DOK1: variants seen among roughly 807,000 people sequenced by gnomAD.
DOK1 encodes Downstream of tyrosine kinase 1.
DOK1 carries 12 observed loss-of-function variants against 24.0 expected under a neutral mutation model. The ratio of observed to expected loss-of-function variants is 0.50; its 90% CI spans 0.32 to 0.81. The LOEUF (loss-of-function observed/expected upper bound fraction) is 0.81. DOK1 is among the 30% of genes least tolerant of loss of function. The pLI is 0.03. For synonymous variants in DOK1, 250 were observed against 260.9 expected, an observed-to-expected ratio of 0.96 and a Z score of 0.40; for missense variants, 591 against 620.7, an observed-to-expected ratio of 0.95 and a Z score of 0.51.
rs769463386 is a variant in DOK1, at chr2:74,556,081, G to A, written c.639+3G>A. ...TGCGTCGCTATGGCCGGGACAAGGT[G>A]CAGGGGCTGTCCGGGAGGGCTTCCT... On this transcript the variant is annotated splice_donor_region_variant and intron_variant, in intron 4 of 4. Coordinates refer to ENST00000233668, the MANE Select transcript of DOK1 (RefSeq NM_001381.5). This position sits in a 1 kb window ranked among gnomAD's most constrained non-coding sequence, Gnocchi z 4.1. The A allele has an allele frequency of 6.3e-7, 1 of 1,580,596 alleles. No homozygotes were observed.
upstream of DOK1, among the ~76,000 whole-genome samples, chr2:74,551,960 C>A (rs1339406953): frequency 2.0e-5 from 3 of 152,272 alleles, no homozygotes; most frequent in Non-Finnish European, 4.4e-5. Context: ...ATCCAGATAT[C>A]ATTTACCTGC....
Position 74,555,668 on chromosome 2 carries a change from G to A in DOK1, c.454G>A (p.Gly152Arg). The change falls in exon 3 of 5, where the codon GGA becomes AGA. Residue 152 changes from glycine to arginine, a missense_variant and splice_region_variant. Physicochemically the swap from Gly to Arg is moderately radical, Grantham distance 125 (BLOSUM62 -2). Coordinates refer to ENST00000233668, the MANE Select transcript of DOK1 (RefSeq NM_001381.5). This position sits in a 1 kb window ranked among gnomAD's most constrained non-coding sequence, Gnocchi z 6.1. The part of the protein sequence containing the change: ...ENSLYSPTWE[G>R]SQFWVTVQRT... ...CTCCTTGTACAGCCCTACCTGGGAA[G>A]GTAGACGCCTCAGAAGCCCGGGCAG... 1 of 1,613,934 alleles carries A rather than the reference G, an allele frequency of 6.2e-7. No individual in the cohort carries two copies. The highest frequency in any genetic ancestry group is 8.5e-7 in the Non-Finnish European group (1 of 1,179,964).
Position 74,557,118 on chromosome 2 carries a change from G to A in DOK1, c.*4G>A, listed in dbSNP as rs762861473. On this transcript the variant is annotated 3_prime_UTR_variant, in exon 5 of 5. Transcript: ENST00000233668. ...CAAGTCAGAGGGCTCTACCTGAGAA[G>A]GACGGCAAGGCTGAGGTGGCTAAGG... 14 of 1,600,636 alleles carry A rather than the reference G, an allele frequency of 8.7e-6. No individual in the cohort carries two copies. In the South Asian group the frequency reaches 1.3e-4, roughly 15 times the overall value.
Position 74,549,259 on chromosome 2 carries a change from C to G in DOK1, c.-358+87C>G. On this transcript the variant is annotated intron_variant, in intron 1 of 4. Coordinates refer to the DOK1 transcript ENST00000409429. The surrounding 1 kb of genome is among the most constrained non-coding windows in gnomAD (Gnocchi z 5.3). ...GGCCTCCATATTTTCCCGCGCGTCC[C>G]GACCCCCGGGTCCTCCCGTGCCCCG... 2.3e-6 allele frequency: 3 copies of G among 1,276,912 alleles called. No homozygotes were observed. The highest frequency in any genetic ancestry group is 1.7e-5 in the South Asian group (1 of 58,050). The allele number at this position is 1,276,912 out of a possible 1,614,324, so 79.1% of individuals were successfully genotyped here.
At position 74,555,399 on chromosome 2, in the gene DOK1, C is replaced by T; in HGVS notation, c.306C>T (p.Ala102=). 5.6e-6 allele frequency: 9 copies of T among 1,611,716 alleles called. No homozygotes were observed. Among genetic ancestry groups the T allele is most frequent in the Non-Finnish European group, 6.8e-6 (8 of 1,179,456 alleles). ...CTCAGCGCTCGCACCTGCTGGCGGC[C>T]GACGCGCCGTCCAGTGCAGCCTGGG... is the stretch of plus-strand genomic sequence containing the variant. ...DTAQRSHLLA[A]DAPSSAAWVQ... The change falls in exon 2 of 5, where the codon GCC becomes GCT. Residue 102 remains alanine, a synonymous_variant. Coordinates refer to ENST00000233668, the MANE Select transcript of DOK1 (RefSeq NM_001381.5). The surrounding 1 kb of genome is among the most constrained non-coding windows in gnomAD (Gnocchi z 6.1).
rs1384353097 is a variant in DOK1 at position 74,557,296 on chromosome 2, G to A, written c.*182G>A. ...ATCCCAGGAAGTCCTAAGAAGTGGG[G>A]CAGATGGCAGGGCTGAGGATGGGCT... On this transcript the variant is annotated 3_prime_UTR_variant, in exon 5 of 5. Coordinates refer to ENST00000233668, the MANE Select transcript of DOK1 (RefSeq NM_001381.5). 20 of 624,240 alleles carry A rather than the reference G, an allele frequency of 3.2e-5. No homozygotes were observed. The highest frequency in any genetic ancestry group is 8.8e-4 in the Middle Eastern group (2 of 2,270). The allele number at this position is 624,240 out of a possible 1,614,324, so 38.7% of individuals were successfully genotyped here. A position where few individuals can be genotyped will look rare whatever the true frequency, so the allele number is the denominator to read the frequency against.
Position 74,555,731 on chromosome 2 carries a change from G to C in DOK1, c.454+63G>C. On this transcript the variant is annotated intron_variant, in intron 3 of 4. Transcript: ENST00000233668. This position sits in a 1 kb window ranked among gnomAD's most constrained non-coding sequence, Gnocchi z 6.1. The stretch of plus-strand genomic sequence containing the variant: ...GAGGAGGAGGGCCGAGGGCCTTTGG[G>C]AAGTGGGTGGATACCCAGGGGCCCA... 1 of 1,608,618 alleles carries C rather than the reference G, an allele frequency of 6.2e-7. No individual in the cohort carries two copies. Among genetic ancestry groups the C allele is most frequent in the Non-Finnish European group, 8.5e-7 (1 of 1,177,904 alleles).
At position 74,556,173 on chromosome 2, in the gene DOK1, C is replaced by T. The variant is rs1677449936; in HGVS notation, c.639+95C>T. On this transcript the variant is annotated intron_variant, in intron 4 of 4. Transcript: ENST00000233668. This position sits in a 1 kb window ranked among gnomAD's most constrained non-coding sequence, Gnocchi z 4.1. ...GGGAAGCTCTGACCTTTGGATCCCC[C>T]TTTCTTGCCTACCCGGTGACCCCGC... is the stretch of plus-strand genomic sequence containing the variant. 6.5e-7 allele frequency: 1 copy of T among 1,529,384 alleles called. No homozygotes were observed. The highest frequency in any genetic ancestry group is 8.8e-7 in the Non-Finnish European group (1 of 1,138,440). The allele number at this position is 1,529,384 out of a possible 1,614,324, so 94.7% of individuals were successfully genotyped here.
chr2:74,556,189 G>A lies in DOK1; in HGVS notation c.639+111G>A, dbSNP rs1043235277. ...TGGATCCCCCTTTCTTGCCTACCCG[G>A]TGACCCCGCGTCTGTTCGCAGGTGG... On this transcript the variant is annotated intron_variant, in intron 4 of 4. Coordinates refer to ENST00000233668, the MANE Select transcript of DOK1 (RefSeq NM_001381.5). This position sits in a 1 kb window ranked among gnomAD's most constrained non-coding sequence, Gnocchi z 4.1. The A allele has an allele frequency of 6.5e-7, 1 of 1,530,832 alleles. No individual in the cohort carries two copies. Among genetic ancestry groups the A allele is most frequent in the Admixed American group, 2.1e-5 (1 of 48,678 alleles). The allele number at this position is 1,530,832 out of a possible 1,614,324, so 94.8% of individuals were successfully genotyped here. A position where few individuals can be genotyped will look rare whatever the true frequency, so the allele number is the denominator to read the frequency against.
chr2:74,553,882 C>G (rs1475049779), upstream of DOK1: 1 of 151,630 alleles, frequency 6.6e-6, no homozygotes, highest in Non-Finnish European at 1.5e-5. Flanking sequence ...CTACCTTGGC[C>G]GAGCAGGACC....
At position 74,555,030 on chromosome 2, in the gene DOK1, C is replaced by T; in HGVS notation, c.61-124C>T. The stretch of plus-strand genomic sequence containing the variant: ...GAGTGGCATCGTCCTTGGGAAACTT[C>T]GCCCCCAACCCCGTTTGGAAGCCCC... On this transcript the variant is annotated intron_variant, in intron 1 of 4. Transcript: ENST00000233668. This position sits in a 1 kb window ranked among gnomAD's most constrained non-coding sequence, Gnocchi z 6.1. 7.1e-7 allele frequency: 1 copy of T among 1,400,826 alleles called. No homozygotes were observed. The highest frequency in any genetic ancestry group is 9.6e-7 in the Non-Finnish European group (1 of 1,038,918). 86.8% of individuals were successfully genotyped at this position (1,400,826 alleles called of 1,614,324 possible).
At chr2:74,552,684 A>G (rs770429627), upstream of DOK1, 1 of 1,459,182 alleles carries the variant, frequency 6.9e-7, no homozygotes, top group Non-Finnish European at 9.1e-7. Flanking sequence ...TGAGAGAAAC[A>G]GATTGAGTGG....
At chr2:74,552,514 C>T (rs751944822), upstream of DOK1, 2 of 1,613,546 alleles carry the variant, frequency 1.2e-6, no homozygotes, top group Non-Finnish European at 1.7e-6. Context: ...AACCGAAGCC[C>T]CTGGCTCCCG....
rs556382904 is a variant in DOK1 at position 74,555,147 on chromosome 2, T to C, written c.61-7T>C. ...CTCCCTCTCGAGCACTCTCTCTCTC[T>C]CCCTAGAGGTGGAGGAAGACCTGGG... is the stretch of plus-strand genomic sequence containing the variant. On this transcript the variant is annotated splice_polypyrimidine_tract_variant and splice_region_variant and intron_variant, in intron 1 of 4. Coordinates refer to ENST00000233668, the MANE Select transcript of DOK1 (RefSeq NM_001381.5). This position sits in a 1 kb window ranked among gnomAD's most constrained non-coding sequence, Gnocchi z 6.1. 23 of 1,605,412 alleles carry C rather than the reference T, an allele frequency of 1.4e-5. No homozygotes were observed. The African/African-American group carries it at 2.7e-4, about 19-fold the overall frequency.
upstream of DOK1, chr2:74,549,909 C>G: frequency 1.0e-6 from 1 of 985,442 alleles, no homozygotes. This position sits in a 1 kb window ranked among gnomAD's most constrained non-coding sequence, Gnocchi z 5.3. Context: ...CTCAGGAAAG[C>G]AGGAACATTT....
rs1484175985 is a variant in DOK1, at chr2:74,555,239, G to A, written c.146G>A (p.Ser49Asn). 4 of 1,613,754 alleles carry A rather than the reference G, an allele frequency of 2.5e-6. No homozygotes were observed. The highest frequency in any genetic ancestry group is 2.2e-5 in the East Asian group (1 of 44,896). The change falls in exon 2 of 5, where the codon AGC (serine) becomes AAC (asparagine). Residue 49 changes from serine (S) to asparagine (N), a missense_variant. Physicochemically the swap from Ser to Asn is conservative, Grantham distance 46. Coordinates refer to ENST00000233668, the MANE Select transcript of DOK1 (RefSeq NM_001381.5). The surrounding 1 kb of genome is among the most constrained non-coding windows in gnomAD (Gnocchi z 6.1). ...RLEFFDHKGS[S>N]SGGGRGSSRR... ...GAGTTCTTTGACCATAAGGGGTCGA[G>A]CTCTGGGGGTGGCCGAGGGAGCTCG...
rs758433116 is a variant in DOK1, at chr2:74,555,173, C to T, written c.80C>T (p.Ala27Val). 2 of 1,612,726 alleles carry T rather than the reference C, an allele frequency of 1.2e-6. No homozygotes were observed. The highest frequency in any genetic ancestry group is 2.2e-5 in the South Asian group (2 of 91,022). ...FGTKRWRKTWAVLYPASPHGV... is the reference protein window; with the variant it reads ...FGTKRWRKTWVVLYPASPHGV... ...CCCTAGAGGTGGAGGAAGACCTGGG[C>T]CGTGCTCTACCCGGCCAGTCCCCAC... The change falls in exon 2 of 5, where the codon GCC becomes GTC. Residue 27 changes from alanine to valine, a missense_variant. Ala to Val is a moderately conservative substitution (Grantham distance 64, BLOSUM62 0). Transcript: ENST00000233668. The surrounding 1 kb of genome is among the most constrained non-coding windows in gnomAD (Gnocchi z 6.1).
At chr2:74,550,115 C>A, upstream of DOK1, 6 of 1,529,318 alleles carry the variant, frequency 3.9e-6, no homozygotes, top group Admixed American at 2.1e-5. Flanking sequence ...TCTAATGTCT[C>A]CGCTAACCAC....
chr2:74,550,937 T>G (rs1676967029), upstream of DOK1, among the ~76,000 whole-genome samples: 1 of 151,686 alleles, frequency 6.6e-6, no homozygotes, highest in Non-Finnish European at 1.5e-5. Flanking sequence ...GAAACCTGTT[T>G]TTTTTTTTTT....
Sources: gnomAD v4.1 joint callset for allele counts (sites outside exome capture counted in the v4.1 genomes callset) on GRCh38, gnomAD v4.1.1 for gene constraint, Gnocchi (gnomAD v3.1) non-coding constraint, MANE v1.5 for transcripts, NCBI Gene and HGNC (gene_info 2026-07-23, HGNC 2026-07-21) for gene names.